SMYD3: variants seen among roughly 807,000 people sequenced by gnomAD.
SMYD3 encodes SET and MYND domain containing 3.
SMYD3 carries 36 observed loss-of-function variants against 57.7 expected under a neutral mutation model. That is an observed-to-expected ratio of 0.62 (90% CI 0.48 to 0.82). SMYD3 has a LOEUF of 0.82. Among genes scored for constraint, SMYD3 ranks in the 40% least tolerant of loss-of-function variants. The pLI, the probability that SMYD3 is intolerant of heterozygous loss-of-function variation, is 0.00. For missense variants in SMYD3, 515 were observed against 538.8 expected (o/e 0.96, Z 0.44); for synonymous variants, 211 against 195.0 (o/e 1.08, Z -0.68).
chr1:246,486,112 T>TTA (rs1168715735), intron 1 of SMYD3, among the ~76,000 whole-genome samples: 1 of 152,232 alleles, frequency 6.6e-6, no homozygotes, highest in Non-Finnish European at 1.5e-5. Context: ...GCTGAACACT[T>TTA]TATCATAGAT....
intron 4 of SMYD3, among the ~76,000 whole-genome samples, chr1:246,329,184 A>G (rs1440116417): frequency 6.6e-6 from 1 of 152,222 alleles, no homozygotes; most frequent in African/African-American, 2.4e-5. Context: ...AGCATGATTT[A>G]TAGTCCTTTG....
chr1:246,363,183 C>T lies in SMYD3; in HGVS notation c.165-8089G>A, dbSNP rs9701076. ...CTGAGAAGTGAGGAGCCCCTCCGCC[C>T]GGCAGCCACCCCGTCTGGGAAGTGA... On this transcript the variant is annotated intron_variant, in intron 1 of 11. Coordinates refer to ENST00000490107, the MANE Select transcript of SMYD3 (RefSeq NM_001167740.2). Among the ~76,000 whole-genome samples, 1,352 of 150,082 alleles carry T rather than the reference C, an allele frequency of 9.0e-3. 18 individuals carry two copies. The highest frequency in any genetic ancestry group is 0.031 in the African/African-American group (1,242 of 40,564).
rs9662845 is a variant in SMYD3, at chr1:245,874,256, C to T, written c.814-10370G>A. Among the ~76,000 whole-genome samples the T allele has an allele frequency of 8.0e-3, 1,221 of 152,256 alleles. 13 individuals are homozygous for T. Among genetic ancestry groups the T allele is most frequent in the African/African-American group, 0.028 (1,159 of 41,552 alleles). ...CAATGGTTATTTAATTCACACATTC[C>T]CTCTAACATTTGTATGTATAATGAT... On this transcript the variant is annotated intron_variant, in intron 8 of 11. Transcript: ENST00000490107.
intron 5 of SMYD3, among the ~76,000 whole-genome samples, chr1:246,272,562 A>T (rs2064242583): frequency 6.6e-6 from 1 of 152,072 alleles, no homozygotes; most frequent in African/African-American, 2.4e-5. Context: ...TCCCCCTACA[A>T]TCTGTTTATA....
In SMYD3 at chr1:246,203,838, T is replaced by A. The variant is rs1312185251; in HGVS notation, c.531+123363A>T. On this transcript the variant is annotated intron_variant, in intron 5 of 11. Coordinates refer to ENST00000490107, the MANE Select transcript of SMYD3 (RefSeq NM_001167740.2). This position sits in a 1 kb window ranked among gnomAD's most constrained non-coding sequence, Gnocchi z 4.6. ...TAACATCCTCAAATCTTTTTCATAT[T>A]TAATGCACCAACAACCCACTCCTAG... 1.3e-5 allele frequency among the ~76,000 whole-genome samples: 2 copies of A among 152,212 alleles called. No homozygotes were observed. Among genetic ancestry groups the A allele is most frequent in the Admixed American group, 6.5e-5 (1 of 15,278 alleles).
intron 5 of SMYD3, among the ~76,000 whole-genome samples, chr1:246,234,757 A>T (rs2063487781): frequency 1.3e-5 from 2 of 152,240 alleles, no homozygotes; most frequent in Admixed American, 6.5e-5. Flanking sequence ...GTAAATGTTA[A>T]TTTAAAAATA....
At chr1:245,844,610 T>TTTG (rs1043585159) in intron 10 of SMYD3, among the ~76,000 whole-genome samples, 2 of 151,418 alleles carry the variant, frequency 1.3e-5, no homozygotes, top group Admixed American at 6.6e-5. Context: ...GGTTTCTTTT[T>TTTG]TTTTTTCTTC....
chr1:246,332,795 A>C (rs1003015625), intron 3 of SMYD3, among the ~76,000 whole-genome samples: 1 of 152,212 alleles, frequency 6.6e-6, no homozygotes, highest in African/African-American at 2.4e-5. Flanking sequence ...GTGACAAAGC[A>C]AGACTCCATC....
chr1:245,797,828 C>CAAAAAAAAAAAAAAAAAAA (rs559088835), intron 10 of SMYD3, among the ~76,000 whole-genome samples: 17 of 109,424 alleles, frequency 1.6e-4, no homozygotes, highest in East Asian at 6.9e-4. Flanking sequence ...TTCCGGGTTC[C>CAAAAAAAAAAAAAAAAAAA]AAAAAAAAAA....
At chr1:245,999,246 T>A (rs1278952390) in intron 5 of SMYD3, among the ~76,000 whole-genome samples, 1 of 151,384 alleles carries the variant, frequency 6.6e-6, no homozygotes, top group Non-Finnish European at 1.5e-5. Flanking sequence ...AATAAGAGCT[T>A]AAGAAATAAA....
chr1:246,003,555 TTA>T (rs2059117665), intron 5 of SMYD3, among the ~76,000 whole-genome samples: 3 of 152,200 alleles, frequency 2.0e-5, no homozygotes, highest in African/African-American at 7.2e-5. Context: ...CCATTCCTTT[TTA>T]TCTCTTCCCA....
chr1:246,300,096 G>A (rs1487512975), intron 5 of SMYD3, among the ~76,000 whole-genome samples: 1 of 151,900 alleles, frequency 6.6e-6, no homozygotes, highest in African/African-American at 2.4e-5. Context: ...AATTATACGT[G>A]GTATGCATGT....
Position 246,507,207 on chromosome 1 carries a change from A to G in SMYD3, c.11T>C (p.Leu4Pro). The G allele has an allele frequency of 6.6e-7, 1 of 1,521,672 alleles. No homozygotes were observed. Among genetic ancestry groups the G allele is most frequent in the Non-Finnish European group, 8.8e-7 (1 of 1,133,794 alleles). The allele number at this position is 1,521,672 out of a possible 1,614,324, so 94.3% of individuals were successfully genotyped here. A position where few individuals can be genotyped will look rare whatever the true frequency, so the allele number is the denominator to read the frequency against. MEP[L>P]KVEKFATAKR... is the part of the protein sequence containing the mutation. Reference sequence around the variant, plus strand: ...GGCGGTTGCGAACTTTTCCACCTTCAGCGGCTCCATCCTCCCGCAGCTCCG... The same window carrying G: ...GGCGGTTGCGAACTTTTCCACCTTCGGCGGCTCCATCCTCCCGCAGCTCCG... The change falls in exon 1 of 12, where the codon CTG becomes CCG. Residue 4 changes from leucine to proline, a missense_variant. Leu to Pro is a moderately conservative substitution (Grantham distance 98, BLOSUM62 -3). Coordinates refer to ENST00000490107, the MANE Select transcript of SMYD3 (RefSeq NM_001167740.2).
intron 8 of SMYD3, among the ~76,000 whole-genome samples, chr1:245,907,114 C>T (rs569389745): frequency 2.0e-5 from 3 of 152,126 alleles, no homozygotes; most frequent in South Asian, 4.2e-4. Flanking sequence ...ATGGGGACAA[C>T]AGAAATAGAA....
intron 5 of SMYD3, among the ~76,000 whole-genome samples, chr1:246,226,972 G>C (rs11585568): frequency 0.059 from 9,013 of 152,170 alleles, 435 homozygotes; most frequent in African/African-American, 0.12. Context: ...GAGATTATTA[G>C]ATGAGGTTAT....
intron 5 of SMYD3, among the ~76,000 whole-genome samples, chr1:246,237,862 T>C (rs2063536172): frequency 6.9e-6 from 1 of 144,448 alleles, no homozygotes; most frequent in Non-Finnish European, 1.5e-5. Flanking sequence ...TGCTGCATTA[T>C]TAGAAAAAAA....
intron 5 of SMYD3, among the ~76,000 whole-genome samples, chr1:246,070,897 T>C (rs781448301): frequency 5.9e-5 from 9 of 152,214 alleles, no homozygotes; most frequent in Non-Finnish European, 1.3e-4. Flanking sequence ...ATTTATCTCT[T>C]AGTGGGGACA....
intron 4 of SMYD3, among the ~76,000 whole-genome samples, chr1:246,329,448 T>C (rs532514372): frequency 1.8e-4 from 27 of 152,364 alleles, no homozygotes; most frequent in African/African-American, 6.5e-4. Flanking sequence ...CCAGTGATTG[T>C]GAGCATTTTT....
At chr1:245,999,121 T>C (rs1266001092) in intron 5 of SMYD3, among the ~76,000 whole-genome samples, 1 of 151,650 alleles carries the variant, frequency 6.6e-6, no homozygotes, top group Non-Finnish European at 1.5e-5. Flanking sequence ...CACTCAGAGA[T>C]CATTCAAATC....
Sources: gnomAD v4.1 joint callset for allele counts (sites outside exome capture counted in the v4.1 genomes callset) on GRCh38, gnomAD v4.1.1 for gene constraint, Gnocchi (gnomAD v3.1) non-coding constraint, MANE v1.5 for transcripts, NCBI Gene and HGNC (gene_info 2026-07-23, HGNC 2026-07-21) for gene names.